DPP10: variants seen among roughly 807,000 people sequenced by gnomAD.
DPP10 encodes dipeptidyl peptidase like 10.
DPP10 carries 33 observed loss-of-function variants against 120.9 expected under a neutral mutation model. The ratio of observed to expected loss-of-function variants is 0.27; its 90% CI spans 0.21 to 0.37. The LOEUF (loss-of-function observed/expected upper bound fraction) is 0.37, where lower values mean the gene tolerates loss of function less well. Ranked by LOEUF, DPP10 falls within the 10% of genes least tolerant of loss-of-function variation. DPP10 has a pLI of 1.00. For synonymous variants in DPP10, 337 were observed against 326.1 expected (o/e 1.03, Z -0.36); for missense variants, 816 against 942.8 (o/e 0.87, Z 1.76).
chr2:115,607,124 T>C (rs975507328), intron 5 of DPP10, among the ~76,000 whole-genome samples: 1 of 152,338 alleles, frequency 6.6e-6, no homozygotes, highest in African/African-American at 2.4e-5. Flanking sequence ...GATGTCAGCC[T>C]GCATGAAGTG....
chr2:115,012,310 A>G (rs1327944376), intron 1 of DPP10, among the ~76,000 whole-genome samples: 1 of 152,102 alleles, frequency 6.6e-6, no homozygotes, highest in Non-Finnish European at 1.5e-5. Context: ...GCAAGTTTGC[A>G]TCCTGCGCAC....
intron 1 of DPP10, among the ~76,000 whole-genome samples, chr2:114,457,201 T>A (rs943859183): frequency 3.3e-5 from 5 of 152,168 alleles, no homozygotes; most frequent in Non-Finnish European, 5.9e-5. Context: ...ATAAACTATA[T>A]CCATTTGGTT....
At chr2:114,624,466 A>G (rs1341649461) in intron 1 of DPP10, among the ~76,000 whole-genome samples, 1 of 151,996 alleles carries the variant, frequency 6.6e-6, no homozygotes, top group Non-Finnish European at 1.5e-5. Flanking sequence ...ATGTGAATAT[A>G]CATGAGTAGC....
chr2:115,620,227 T>C (rs2084843696), intron 5 of DPP10, among the ~76,000 whole-genome samples: 1 of 152,176 alleles, frequency 6.6e-6, no homozygotes, highest in African/African-American at 2.4e-5. Context: ...CCACGTGATC[T>C]TTCTACACTT....
At chr2:115,441,148 A>C (rs1379510062) in intron 3 of DPP10, among the ~76,000 whole-genome samples, 2 of 151,920 alleles carry the variant, frequency 1.3e-5, no homozygotes, top group African/African-American at 4.8e-5. Flanking sequence ...TAACGTCAGA[A>C]GATTTTGAGG....
chr2:115,406,167 T>A (rs1170905396), intron 3 of DPP10, among the ~76,000 whole-genome samples: 1 of 152,194 alleles, frequency 6.6e-6, no homozygotes, highest in Non-Finnish European at 1.5e-5. Flanking sequence ...CTTAGATATG[T>A]CTACAAAGCC....
At chr2:115,685,608 C>A (rs1336566957) in intron 5 of DPP10, among the ~76,000 whole-genome samples, 1 of 151,920 alleles carries the variant, frequency 6.6e-6, no homozygotes, top group African/African-American at 2.4e-5. Context: ...TATAAACTGA[C>A]AACATATAAA....
intron 1 of DPP10, among the ~76,000 whole-genome samples, chr2:115,106,373 T>G (rs1359660798): frequency 3.3e-5 from 5 of 152,212 alleles, no homozygotes; most frequent in African/African-American, 1.2e-4. Flanking sequence ...GAAAACTTTA[T>G]GCACGAATTA....
intron 4 of DPP10, among the ~76,000 whole-genome samples, chr2:115,509,194 G>A (rs2148827525): frequency 6.6e-6 from 1 of 152,196 alleles, no homozygotes; most frequent in African/African-American, 2.4e-5. Context: ...GCTCAAGAAA[G>A]GACAAATAAA....
chr2:115,313,386 G>A (rs2061661392), intron 2 of DPP10, among the ~76,000 whole-genome samples: 1 of 152,182 alleles, frequency 6.6e-6, no homozygotes, highest in African/African-American at 2.4e-5. Flanking sequence ...TAACTCTAAT[G>A]TCTATTATCT....
chr2:115,370,216 A>T (rs1180778000), intron 3 of DPP10, among the ~76,000 whole-genome samples: 2 of 152,172 alleles, frequency 1.3e-5, no homozygotes, highest in Non-Finnish European at 2.9e-5. Flanking sequence ...TGTAGATGAC[A>T]GAAAAATTGA....
intron 24 of DPP10, among the ~76,000 whole-genome samples, chr2:115,839,961 T>C (rs1036496872): frequency 6.6e-6 from 1 of 152,138 alleles, no homozygotes; most frequent in Non-Finnish European, 1.5e-5. Flanking sequence ...ATTTTCTCAG[T>C]ATGGGGTATT....
chr2:115,510,719 T>C (rs1295430174), intron 4 of DPP10, among the ~76,000 whole-genome samples: 1 of 152,164 alleles, frequency 6.6e-6, no homozygotes, highest in Non-Finnish European at 1.5e-5. Flanking sequence ...ATATTGCTTA[T>C]GTAGATCAAT....
chr2:115,697,049 G>A (rs6752565), intron 7 of DPP10, among the ~76,000 whole-genome samples: 20,239 of 151,768 alleles, frequency 0.13, 1,470 homozygotes, highest in Non-Finnish European at 0.16. Flanking sequence ...GCATGGAACC[G>A]CCATGGTAAC....
intron 1 of DPP10, among the ~76,000 whole-genome samples, chr2:114,554,271 C>T (rs546765886): frequency 2.0e-5 from 3 of 152,326 alleles, no homozygotes; most frequent in Admixed American, 2.0e-4. Context: ...ACAACATCCA[C>T]TGAGGACTGA....
At chr2:115,683,941 G>A (rs1443982820) in intron 5 of DPP10, among the ~76,000 whole-genome samples, 2 of 151,270 alleles carry the variant, frequency 1.3e-5, no homozygotes, top group South Asian at 4.1e-4. Flanking sequence ...AACTTATTTC[G>A]GTATAAATAA....
At chr2:114,578,203 C>G (rs1173276546) in intron 1 of DPP10, among the ~76,000 whole-genome samples, 1 of 152,120 alleles carries the variant, frequency 6.6e-6, no homozygotes, top group Non-Finnish European at 1.5e-5. Context: ...GTAATTGGCT[C>G]TGGTGTTGAA....
intron 3 of DPP10, among the ~76,000 whole-genome samples, chr2:115,384,471 A>AGAAG (rs1415121038): frequency 7.2e-5 from 1 of 13,958 alleles, no homozygotes; most frequent in Non-Finnish European, 2.3e-4. Flanking sequence ...AGAAGAAGGA[A>AGAAG]GAAGAAGGAA....
Position 114,924,985 on chromosome 2 carries a change from GCTA to G in DPP10, c.61-384253_61-384251del, listed in dbSNP as rs1558885088. Among the ~76,000 whole-genome samples the G allele has an allele frequency of 3.0e-4, 45 of 150,960 alleles. No homozygotes were observed. The East Asian group carries it at 8.5e-3, about 29-fold the overall frequency. On this transcript the variant is annotated intron_variant, in intron 1 of 25. Transcript: ENST00000410059. The stretch of plus-strand genomic sequence containing the variant: ...CCAGCACTTTGGGAGGCCGAGGGGG[GCTA>G]ATCACGAGGTCAGGAGTTTGAGACC...
Sources: allele counts gnomAD v4.1 joint callset (sites outside exome capture counted in the v4.1 genomes callset), GRCh38; gene constraint gnomAD v4.1.1; transcripts MANE v1.5; gene names NCBI Gene and HGNC (gene_info 2026-07-23, HGNC 2026-07-21).